Variants in GRIP1 observed in about 807,000 individuals in gnomAD.
The protein encoded by GRIP1 is glutamate receptor-interacting protein 1.
A neutral mutation model predicts 129.9 loss-of-function variants in GRIP1; 45 were observed. The observed-to-expected ratio is 0.35, with a 90% confidence interval of 0.27 to 0.44. GRIP1 has a LOEUF of 0.44. Ranked by LOEUF, GRIP1 falls within the 20% of genes least tolerant of loss-of-function variation. GRIP1 has a pLI of 1.00. For synonymous variants in GRIP1, 530 were observed against 520.8 expected (o/e 1.02, Z -0.24); for missense variants, 1,196 against 1,396.8 (o/e 0.86, Z 2.29).
intron 1 of GRIP1, among the ~76,000 whole-genome samples, chr12:66,815,997 G>A (rs1235062323): frequency 4.0e-5 from 6 of 151,876 alleles, no homozygotes; most frequent in African/African-American, 7.3e-5. Context: ...AAGAAATATT[G>A]TCCTTATATT....
intron 1 of GRIP1, among the ~76,000 whole-genome samples, chr12:66,608,204 G>A (rs771072151): frequency 2.0e-5 from 3 of 152,148 alleles, no homozygotes; most frequent in Non-Finnish European, 4.4e-5. Flanking sequence ...GATTTATCAC[G>A]GCTGTCAGAA....
chr12:66,977,941 T>A (rs1284937891), intron 1 of GRIP1, among the ~76,000 whole-genome samples: 4 of 150,292 alleles, frequency 2.7e-5, no homozygotes, highest in Non-Finnish European at 4.4e-5. Context: ...GCTTCCCAAG[T>A]GGCTAAGACT....
At chr12:66,924,372 C>T (rs187024869) in intron 1 of GRIP1, among the ~76,000 whole-genome samples, 74 of 152,214 alleles carry the variant, frequency 4.9e-4, no homozygotes, top group African/African-American at 1.5e-3. Context: ...CTAGGGGAAA[C>T]GCTAGGAAAA....
At chr12:66,827,415 A>AGAGAGC (rs1375461122) in intron 1 of GRIP1, among the ~76,000 whole-genome samples, 2 of 150,270 alleles carry the variant, frequency 1.3e-5, no homozygotes, top group East Asian at 1.9e-4. Flanking sequence ...AGAGAGAGAG[A>AGAGAGC]GCGCACAAGA....
intron 4 of GRIP1, among the ~76,000 whole-genome samples, chr12:66,534,085 T>C (rs776893213): frequency 6.6e-6 from 1 of 152,210 alleles, no homozygotes; most frequent in African/African-American, 2.4e-5. Context: ...GGGGAACTTA[T>C]TAATTCCTTC....
intron 1 of GRIP1, among the ~76,000 whole-genome samples, chr12:66,785,925 A>T (rs1488411522): frequency 6.6e-6 from 1 of 151,924 alleles, no homozygotes; most frequent in East Asian, 1.9e-4. Flanking sequence ...CTACAAAAAA[A>T]TTTAAAAATT....
chr12:66,957,796 G>A (rs2041864943), intron 1 of GRIP1, among the ~76,000 whole-genome samples: 1 of 152,110 alleles, frequency 6.6e-6, no homozygotes, highest in Non-Finnish European at 1.5e-5. Context: ...TTTCTTCACT[G>A]TAAACTTATT....
At chr12:66,921,438 G>A (rs144640084) in intron 1 of GRIP1, among the ~76,000 whole-genome samples, 1 of 152,302 alleles carries the variant, frequency 6.6e-6, no homozygotes, top group Non-Finnish European at 1.5e-5. Context: ...AGACTCTTGA[G>A]CAATTTCTTG....
intron 13 of GRIP1, among the ~76,000 whole-genome samples, chr12:66,439,532 G>A (rs2058411759): frequency 6.6e-6 from 1 of 152,090 alleles, no homozygotes; most frequent in Non-Finnish European, 1.5e-5. Context: ...GTAGTGTAGT[G>A]TAGTGCTGCA....
At chr12:66,491,702 CAA>C (rs1273593993) in intron 7 of GRIP1, among the ~76,000 whole-genome samples, 2 of 152,136 alleles carry the variant, frequency 1.3e-5, no homozygotes, top group African/African-American at 2.4e-5. Flanking sequence ...TCAGGAAACT[CAA>C]AGTTTATCTT....
intron 1 of GRIP1, among the ~76,000 whole-genome samples, chr12:66,954,894 G>A (rs2041815087): frequency 6.6e-6 from 1 of 152,164 alleles, no homozygotes; most frequent in South Asian, 2.1e-4. Context: ...AAGATTGCAA[G>A]TTCCAGGAAG....
intron 1 of GRIP1, among the ~76,000 whole-genome samples, chr12:66,866,742 CCTA>C (rs79949266): frequency 0.084 from 12,779 of 152,090 alleles, 578 homozygotes; most frequent in Admixed American, 0.11. Context: ...TATATACATA[CCTA>C]CTATATAGCC....
chr12:66,936,747 T>C (rs897410053), intron 1 of GRIP1, among the ~76,000 whole-genome samples: 15 of 152,092 alleles, frequency 9.9e-5, no homozygotes, highest in Non-Finnish European at 2.1e-4. Context: ...GTCTAACTCT[T>C]AGGGGAATTT....
intron 1 of GRIP1, among the ~76,000 whole-genome samples, chr12:67,005,911 A>G (rs2042618947): frequency 6.6e-6 from 1 of 152,336 alleles, no homozygotes; most frequent in East Asian, 1.9e-4. Context: ...TCACATTTAA[A>G]TAAGACTCTT....
At chr12:66,495,741 C>T (rs1250058079) in intron 7 of GRIP1, among the ~76,000 whole-genome samples, 1 of 152,086 alleles carries the variant, frequency 6.6e-6, no homozygotes, top group African/African-American at 2.4e-5. Flanking sequence ...GTAAGGGAAG[C>T]AGATTCCACA....
chr12:66,714,673 A>T (rs952928461), intron 1 of GRIP1, among the ~76,000 whole-genome samples: 1 of 152,054 alleles, frequency 6.6e-6, no homozygotes, highest in Non-Finnish European at 1.5e-5. Flanking sequence ...AGTATGCTAC[A>T]AGAAAATTAT....
intron 1 of GRIP1, among the ~76,000 whole-genome samples, chr12:66,752,180 T>C (rs1162786728): frequency 1.3e-5 from 2 of 152,016 alleles, no homozygotes; most frequent in African/African-American, 4.8e-5. Context: ...CAGTTTATTA[T>C]TGTTATAAGC....
At chr12:66,456,492 C>T in intron 9 of GRIP1, 150 bp from the exon 10 acceptor site, 1 of 379,862 alleles carries the variant, frequency 2.6e-6, no homozygotes. Context: ...TTGGCTTTGC[C>T]CTTTTCTCAG....
intron 1 of GRIP1, among the ~76,000 whole-genome samples, chr12:66,753,389 G>C (rs530754826): frequency 6.6e-6 from 1 of 152,238 alleles, no homozygotes; most frequent in African/African-American, 2.4e-5. Flanking sequence ...TCTGGGACAT[G>C]GTAAAGTAAC....
Sources: gnomAD v4.1 joint callset for allele counts (sites outside exome capture counted in the v4.1 genomes callset) on GRCh38, gnomAD v4.1.1 for gene constraint, MANE v1.5 for transcripts, NCBI Gene and HGNC (gene_info 2026-07-23, HGNC 2026-07-21) for gene names.